The following SUGCT variants were observed in gnomAD, a reference collection of about 807,000 sequenced individuals.
SUGCT encodes succinyl-CoA:glutarate CoA-transferase.
Under a neutral mutation model 55.0 loss-of-function variants are expected in SUGCT, and 41 were observed. That is an observed-to-expected ratio of 0.74 (90% CI 0.58 to 0.97). The LOEUF (loss-of-function observed/expected upper bound fraction) is 0.97. SUGCT is among the 50% of genes least tolerant of loss of function. The pLI is 0.00. For missense variants in SUGCT, 568 were observed against 547.8 expected, an observed-to-expected ratio of 1.04 and a Z score of -0.37; for synonymous variants, 187 against 200.4, an observed-to-expected ratio of 0.93 and a Z score of 0.56.
At chr7:41,032,087 C>G in the SUGCT span, among the ~76,000 whole-genome samples, 2 of 152,120 alleles carry the variant, frequency 1.3e-5, no homozygotes, top group Non-Finnish European at 2.9e-5. Flanking sequence ...ATGAACAAGA[C>G]AGGAAATTCA....
chr7:40,630,984 G>A (rs966268910), intron 12 of SUGCT, among the ~76,000 whole-genome samples: 2 of 152,260 alleles, frequency 1.3e-5, no homozygotes, highest in East Asian at 3.9e-4. Flanking sequence ...GAGACTCAGA[G>A]TGGCTGTGTG....
At chr7:40,515,138 C>T (rs1278165924) in intron 12 of SUGCT, among the ~76,000 whole-genome samples, 3 of 152,034 alleles carry the variant, frequency 2.0e-5, no homozygotes, top group East Asian at 1.9e-4. Context: ...AATCAAAACA[C>T]GGAGCTGTTC....
intron 12 of SUGCT, among the ~76,000 whole-genome samples, chr7:40,565,677 C>A (rs546889514): frequency 6.6e-6 from 1 of 152,140 alleles, no homozygotes; most frequent in East Asian, 1.9e-4. Context: ...TGGAATGATC[C>A]GGTCCCATTT....
At chr7:40,613,945 T>A (rs981791492) in intron 12 of SUGCT, among the ~76,000 whole-genome samples, 21 of 152,174 alleles carry the variant, frequency 1.4e-4, no homozygotes, top group African/African-American at 4.8e-4. Context: ...GTGCATACTA[T>A]GGGTTACAGT....
chr7:40,572,324 T>C (rs1796494512), intron 12 of SUGCT, among the ~76,000 whole-genome samples: 1 of 152,128 alleles, frequency 6.6e-6, no homozygotes, highest in African/African-American at 2.4e-5. Context: ...GAAAAAGAAA[T>C]TCCGCAGGGC....
At position 40,540,618 on chromosome 7, in the gene SUGCT, A is replaced by G. The variant is rs561940222; in HGVS notation, c.1089+44232A>G. On this transcript the variant is annotated intron_variant, in intron 12 of 13. Coordinates refer to ENST00000335693, the MANE Select transcript of SUGCT (RefSeq NM_001193313.2). ...CTGGGGTATATTAATGTTGGCAAAC[A>G]GGGCAGTTTTCTTACACCAGGCTGT... 1.1e-4 allele frequency among the ~76,000 whole-genome samples: 17 copies of G among 152,370 alleles called. No individual in the cohort carries two copies. The South Asian group carries it at 3.3e-3, about 30-fold the overall frequency.
At chr7:40,786,250 A>G (rs1584439203) in intron 13 of SUGCT, among the ~76,000 whole-genome samples, 1 of 152,368 alleles carries the variant, frequency 6.6e-6, no homozygotes, top group East Asian at 1.9e-4. Context: ...CACTGATACC[A>G]CAGTTCAAGA....
intron 9 of SUGCT, among the ~76,000 whole-genome samples, chr7:40,424,473 C>G (rs1787477709): frequency 1.3e-5 from 2 of 152,038 alleles, no homozygotes; most frequent in Non-Finnish European, 2.9e-5. Flanking sequence ...TCTTCTGGAT[C>G]TTGAGGTTCT....
At chr7:40,684,263 C>T (rs1234696332) in intron 12 of SUGCT, 4 of 1,328,266 alleles carry the variant, frequency 3.0e-6, no homozygotes, top group Non-Finnish European at 3.9e-6. Context: ...TCACAGGTTT[C>T]AGGGATTAGG....
At chr7:40,695,832 G>A (rs1258505540) in intron 12 of SUGCT, among the ~76,000 whole-genome samples, 1 of 152,136 alleles carries the variant, frequency 6.6e-6, no homozygotes, top group Non-Finnish European at 1.5e-5. Flanking sequence ...CTTCACTCTA[G>A]TTTGTGACAA....
the SUGCT span, among the ~76,000 whole-genome samples, chr7:40,953,711 G>A: frequency 6.6e-6 from 1 of 152,200 alleles, no homozygotes; most frequent in Non-Finnish European, 1.5e-5. Context: ...GTTTGCTGGA[G>A]GTCCACTCCA....
chr7:40,457,873 T>A (rs1443033654), intron 10 of SUGCT, among the ~76,000 whole-genome samples: 1 of 152,316 alleles, frequency 6.6e-6, no homozygotes, highest in Admixed American at 6.5e-5. Context: ...GAATGACTTA[T>A]TCACTCTTAC....
intron 9 of SUGCT, among the ~76,000 whole-genome samples, chr7:40,442,515 C>T (rs1305134239): frequency 1.3e-5 from 2 of 151,974 alleles, no homozygotes; most frequent in Non-Finnish European, 2.9e-5. Flanking sequence ...TGTACTTCCC[C>T]AATTTTCTAC....
intron 13 of SUGCT, among the ~76,000 whole-genome samples, chr7:40,783,986 C>T (rs907748915): frequency 6.6e-6 from 1 of 152,170 alleles, no homozygotes; most frequent in Non-Finnish European, 1.5e-5. Context: ...TTAGATTCTT[C>T]AGTGCTAAGC....
At chr7:40,497,062 C>T (rs1447311624) in intron 12 of SUGCT, among the ~76,000 whole-genome samples, 1 of 152,106 alleles carries the variant, frequency 6.6e-6, no homozygotes, top group Admixed American at 6.5e-5. Context: ...GATTTTATTA[C>T]TTCAATCAAA....
rs559605454 is a variant in SUGCT at position 40,803,483 on chromosome 7, T to G, written c.1153+53986T>G. Among the ~76,000 whole-genome samples the G allele has an allele frequency of 1.1e-4, 17 of 152,296 alleles. No homozygotes were observed. In the South Asian group the frequency reaches 2.7e-3, roughly 24 times the overall value. ...TTTTTCTGACTCCAAAGCCTGTGCC[T>G]TTAATTACCTGCCATGTGCCTCAAA... On this transcript the variant is annotated intron_variant, in intron 13 of 13. Transcript: ENST00000335693.
chr7:40,366,721 T>C (rs1041725070), intron 9 of SUGCT, among the ~76,000 whole-genome samples: 1 of 151,844 alleles, frequency 6.6e-6, no homozygotes, highest in Non-Finnish European at 1.5e-5. Flanking sequence ...TGAGATACCA[T>C]CTCCCACCAG....
At chr7:40,647,044 A>G (rs962108263) in intron 12 of SUGCT, among the ~76,000 whole-genome samples, 2 of 152,186 alleles carry the variant, frequency 1.3e-5, no homozygotes, top group East Asian at 1.9e-4. Context: ...TGGGCTGGGT[A>G]CACCTGAGTG....
chr7:41,011,540 A>C, the SUGCT span, among the ~76,000 whole-genome samples: 22 of 152,248 alleles, frequency 1.4e-4, no homozygotes. Context: ...AACTCAGACC[A>C]TACCCCAGAC....
Sources: allele counts gnomAD v4.1 joint callset (sites outside exome capture counted in the v4.1 genomes callset), GRCh38; gene constraint gnomAD v4.1.1; transcripts MANE v1.5; gene names NCBI Gene and HGNC (gene_info 2026-07-23, HGNC 2026-07-21).